Variants in PDZD2 observed in about 807,000 individuals in gnomAD.
PDZD2 encodes the protein PDZ domain-containing protein 2.
A neutral mutation model predicts 220.7 loss-of-function variants in PDZD2; 90 were observed. That is an observed-to-expected ratio of 0.41 (90% CI 0.34 to 0.49). PDZD2 has a LOEUF of 0.49. PDZD2 is among the 20% of genes least tolerant of loss of function. The probability of loss-of-function intolerance (pLI) is 0.28; values close to 1 mark genes in which losing one functional copy is unlikely to be tolerated. For missense variants in PDZD2, 3,174 were observed against 3,608.5 expected (o/e 0.88, Z 3.08); for synonymous variants, 1,375 against 1,450.5 (o/e 0.95, Z 1.18).
chr5:31,963,663 C>T (rs1314313115), intron 2 of PDZD2, among the ~76,000 whole-genome samples: 1 of 152,218 alleles, frequency 6.6e-6, no homozygotes, highest in African/African-American at 2.4e-5. Flanking sequence ...TCAGGTCAGG[C>T]CAGAAGGCGT....
intron 23 of PDZD2, chr5:32,100,770 G>T: frequency 1.5e-6 from 1 of 656,978 alleles, no homozygotes; most frequent in South Asian, 1.5e-5. Flanking sequence ...TCCTCACTGA[G>T]AAGTGCACAG....
At chr5:31,827,715 AT>A (rs1756317118) in intron 2 of PDZD2, among the ~76,000 whole-genome samples, 4 of 147,614 alleles carry the variant, frequency 2.7e-5, no homozygotes, top group Non-Finnish European at 4.5e-5. Context: ...AAATAAAAAA[AT>A]AAAAATAATT....
chr5:31,976,879 G>A (rs536198088), intron 2 of PDZD2, among the ~76,000 whole-genome samples: 1 of 151,536 alleles, frequency 6.6e-6, no homozygotes, highest in South Asian at 2.1e-4. Context: ...TACCACGCCC[G>A]GCTAATTTTT....
intron 2 of PDZD2, among the ~76,000 whole-genome samples, chr5:31,890,827 C>T (rs1338383859): frequency 3.9e-5 from 6 of 152,118 alleles, no homozygotes; most frequent in Admixed American, 6.5e-5. Context: ...CCCTCTTGGC[C>T]GCCTTTGCAT....
At chr5:31,940,927 A>C (rs909902055) in intron 2 of PDZD2, among the ~76,000 whole-genome samples, 1 of 151,972 alleles carries the variant, frequency 6.6e-6, no homozygotes, top group Non-Finnish European at 1.5e-5. Context: ...TAAAATTCTT[A>C]CAAACTCTCC....
At chr5:31,851,289 A>AG (rs1448538557) in intron 2 of PDZD2, among the ~76,000 whole-genome samples, 4 of 152,130 alleles carry the variant, frequency 2.6e-5, no homozygotes, top group Non-Finnish European at 1.5e-5. Flanking sequence ...GGTAGGGAGA[A>AG]GGGGGGCACT....
intron 14 of PDZD2, 66 bp from the exon 15 acceptor site, chr5:32,069,503 A>G (rs772200795): frequency 1.1e-6 from 1 of 902,316 alleles, no homozygotes; most frequent in East Asian, 2.4e-5. Flanking sequence ...CTCTGGTCCT[A>G]GGTACTTTCA....
At chr5:31,719,140 G>A (rs1051583759) in intron 1 of PDZD2, among the ~76,000 whole-genome samples, 4 of 152,122 alleles carry the variant, frequency 2.6e-5, no homozygotes, top group Admixed American at 6.5e-5. Flanking sequence ...AGGGTAGCAC[G>A]GTGTTAGGAA....
At chr5:31,688,020 C>T (rs1056942914) in intron 1 of PDZD2, among the ~76,000 whole-genome samples, 5 of 152,138 alleles carry the variant, frequency 3.3e-5, no homozygotes, top group African/African-American at 1.2e-4. Flanking sequence ...AGGGCCTGAG[C>T]TGTTTTAGAA....
rs781346638 is a variant in PDZD2, at chr5:32,073,970, C to G, written c.2864C>G (p.Pro955Arg). Residue 955 changes from proline (P) to arginine (R), a missense_variant, in exon 18 of 25, where the codon CCT (proline) becomes CGT (arginine). Coordinates refer to ENST00000438447, the MANE Select transcript of PDZD2 (RefSeq NM_178140.4). ...LPGSPQALRN[P>R]LLRQRKVGCY... ...GGAAGCCCACAGGCCCTCCGAAACC[C>G]TCTCCTCCGCCAGAGGAAGGTAGGC... 6.2e-7 allele frequency: 1 copy of G among 1,614,208 alleles called. No homozygotes were observed. The highest frequency in any genetic ancestry group is 8.5e-7 in the Non-Finnish European group (1 of 1,180,034).
At chr5:31,716,872 C>T (rs909069608) in intron 1 of PDZD2, among the ~76,000 whole-genome samples, 2 of 151,888 alleles carry the variant, frequency 1.3e-5, no homozygotes, top group Non-Finnish European at 2.9e-5. Context: ...AGGGGCTGTC[C>T]CTAGTGGTTT....
chr5:31,814,668 A>T (rs1463824832), intron 2 of PDZD2, among the ~76,000 whole-genome samples: 1 of 150,938 alleles, frequency 6.6e-6, no homozygotes, highest in African/African-American at 2.4e-5. Flanking sequence ...ACTAAAAAAA[A>T]ACAGCCAAGC....
At chr5:31,954,071 G>A (rs1283000055) in intron 2 of PDZD2, among the ~76,000 whole-genome samples, 2 of 151,746 alleles carry the variant, frequency 1.3e-5, no homozygotes, top group Non-Finnish European at 2.9e-5. Flanking sequence ...TGATATGATC[G>A]TGCCACTGCC....
At chr5:31,922,356 G>T (rs1744344453) in intron 2 of PDZD2, among the ~76,000 whole-genome samples, 1 of 152,132 alleles carries the variant, frequency 6.6e-6, no homozygotes, top group African/African-American at 2.4e-5. Context: ...CCCTCCACAG[G>T]CTACGCTCTT....
At chr5:31,816,114 C>T (rs1172433606) in intron 2 of PDZD2, among the ~76,000 whole-genome samples, 1 of 151,942 alleles carries the variant, frequency 6.6e-6, no homozygotes, top group Non-Finnish European at 1.5e-5. Context: ...CAGTGAAACC[C>T]TGTCTCTACT....
intron 2 of PDZD2, among the ~76,000 whole-genome samples, chr5:31,917,564 T>G (rs766553537): frequency 6.6e-6 from 1 of 152,080 alleles, no homozygotes; most frequent in African/African-American, 2.4e-5. Context: ...CATTGAAGGA[T>G]GTATAGAAAT....
chr5:31,897,598 CTT>C (rs1741683824), intron 2 of PDZD2, among the ~76,000 whole-genome samples: 1 of 152,202 alleles, frequency 6.6e-6, no homozygotes. Flanking sequence ...AAAATATTCT[CTT>C]TTTCTGGGGA....
chr5:31,865,592 G>A (rs949981727), intron 2 of PDZD2, among the ~76,000 whole-genome samples: 3 of 126,776 alleles, frequency 2.4e-5, no homozygotes, highest in African/African-American at 9.1e-5. Context: ...GATTACAGGT[G>A]TTAGCCTGTA....
At chr5:31,658,498 C>A (rs1580526834) in intron 1 of PDZD2, among the ~76,000 whole-genome samples, 1 of 152,240 alleles carries the variant, frequency 6.6e-6, no homozygotes, top group East Asian at 1.9e-4. Flanking sequence ...TGCCGTTAAC[C>A]TCTCTGTGTC....
Sources: allele counts gnomAD v4.1 joint callset (sites outside exome capture counted in the v4.1 genomes callset), GRCh38; gene constraint gnomAD v4.1.1; transcripts MANE v1.5; gene names NCBI Gene and HGNC (gene_info 2026-07-23, HGNC 2026-07-21).